Variants in PALM2AKAP2 observed in about 807,000 individuals in gnomAD.
PALM2AKAP2 encodes PALM2 and AKAP2 fusion, also known as PALM2-AKAP2 fusion protein.
A neutral mutation model predicts 71.5 loss-of-function variants in PALM2AKAP2; 37 were observed. That is an observed-to-expected ratio of 0.52 (90% CI 0.40 to 0.68). PALM2AKAP2 has a LOEUF of 0.68. PALM2AKAP2 is among the 30% of genes least tolerant of loss of function. The probability of loss-of-function intolerance (pLI) is 0.00; values close to 1 mark genes in which losing one functional copy is unlikely to be tolerated. For missense variants in PALM2AKAP2, 1,224 were observed against 1,191.8 expected (o/e 1.03, Z -0.40); for synonymous variants, 468 against 478.8 (o/e 0.98, Z 0.29).
chr9:110,081,898 T>C (rs555827509), intron 1 of PALM2AKAP2, among the ~76,000 whole-genome samples: 1 of 152,082 alleles, frequency 6.6e-6, no homozygotes, highest in African/African-American at 2.4e-5. Context: ...TTCCTCACCA[T>C]GCTAAATAGC....
intron 6 of PALM2AKAP2, among the ~76,000 whole-genome samples, chr9:109,946,894 T>A (rs904237709): frequency 6.6e-6 from 1 of 152,208 alleles, no homozygotes; most frequent in Admixed American, 6.5e-5. Flanking sequence ...TATTCTTGAC[T>A]TCTTAAAAAT....
intron 1 of PALM2AKAP2, among the ~76,000 whole-genome samples, chr9:109,738,927 G>T (rs905676205): frequency 6.6e-6 from 1 of 152,178 alleles, no homozygotes; most frequent in Non-Finnish European, 1.5e-5. Flanking sequence ...GAGCCCAAAG[G>T]TTCAAAAATT....
At chr9:109,906,388 G>A (rs1436514220) in intron 3 of PALM2AKAP2, among the ~76,000 whole-genome samples, 4 of 152,098 alleles carry the variant, frequency 2.6e-5, no homozygotes, top group African/African-American at 7.2e-5. Flanking sequence ...CCGTAGAGAC[G>A]GGGTTTCATC....
chr9:110,162,292 C>T (rs1287353095), intron 3 of PALM2AKAP2, among the ~76,000 whole-genome samples, 160 bp downstream of exon 10: 3 of 151,982 alleles, frequency 2.0e-5, no homozygotes, highest in South Asian at 2.1e-4. Context: ...GGGACTGCCT[C>T]GAAATGTTGG....
intron 1 of PALM2AKAP2, among the ~76,000 whole-genome samples, chr9:109,659,956 T>C (rs1827365392): frequency 1.3e-5 from 2 of 152,126 alleles, no homozygotes; most frequent in African/African-American, 4.8e-5. Flanking sequence ...TTCCCCTCCC[T>C]CAGTATCCCA....
upstream of PALM2AKAP2, among the ~76,000 whole-genome samples, chr9:109,776,795 C>T (rs75465493): frequency 5.2e-4 from 79 of 152,342 alleles, no homozygotes; most frequent in African/African-American, 1.7e-3. Flanking sequence ...TGAATTTCCT[C>T]TCTTCTTTGG....
At position 110,162,408 on chromosome 9, in the gene PALM2AKAP2, C is replaced by T. The variant is rs142770278; in HGVS notation, c.2748+5911C>T. ...CTTGCCTGCTCACGAATCTTGAAGA[C>T]GTTTGGACCAGAGGACACAAGTGAT... On this transcript the variant is annotated intron_variant, in intron 3 of 3. Coordinates refer to ENST00000374525, the Ensembl canonical transcript of PALM2AKAP2. Among the ~76,000 whole-genome samples, 686 of 152,226 alleles carry T rather than the reference C, an allele frequency of 4.5e-3. 7 individuals carry two copies. Among genetic ancestry groups the T allele is most frequent in the African/African-American group, 0.015 (623 of 41,518 alleles).
At chr9:110,119,246 A>G (rs56282145) in intron 1 of PALM2AKAP2, among the ~76,000 whole-genome samples, 32,375 of 151,020 alleles carry the variant, frequency 0.21, 4,002 homozygotes, top group South Asian at 0.32. Context: ...GGGAGGCTGA[A>G]GCAGGAGATT....
chr9:109,693,821 T>C (rs925170203), intron 1 of PALM2AKAP2, among the ~76,000 whole-genome samples: 2 of 152,086 alleles, frequency 1.3e-5, no homozygotes, highest in Non-Finnish European at 2.9e-5. Context: ...CTTAAACTTA[T>C]TGATACTTGT....
At chr9:109,947,584 G>A (rs1183307344) in intron 6 of PALM2AKAP2, among the ~76,000 whole-genome samples, 1 of 152,134 alleles carries the variant, frequency 6.6e-6, no homozygotes, top group Admixed American at 6.5e-5. Flanking sequence ...AGAAATATTA[G>A]CCCTGCCAAT....
intron 7 of PALM2AKAP2, among the ~76,000 whole-genome samples, chr9:110,016,329 G>A (rs1248945512): frequency 4.6e-5 from 7 of 152,164 alleles, no homozygotes; most frequent in Non-Finnish European, 7.3e-5. Context: ...TGGGCCTGTC[G>A]TAGGGTCTTC....
intron 1 of PALM2AKAP2, among the ~76,000 whole-genome samples, chr9:110,117,392 T>G (rs1223204545): frequency 6.6e-6 from 1 of 152,162 alleles, no homozygotes; most frequent in African/African-American, 2.4e-5. Flanking sequence ...CCCCAAGTGC[T>G]GGGATTACAG....
intron 1 of PALM2AKAP2, among the ~76,000 whole-genome samples, chr9:109,708,003 A>G (rs1029126730): frequency 6.6e-6 from 1 of 151,914 alleles, no homozygotes; most frequent in Admixed American, 6.6e-5. Flanking sequence ...CCCCTTCTCC[A>G]TTTTCACTGA....
chr9:109,880,642 A>G (rs192386772), exon 3 of PALM2AKAP2: 39 of 1,613,976 alleles, frequency 2.4e-5, no homozygotes, highest in Non-Finnish European at 3.0e-5. Context: ...TCTGAAGAGG[A>G]TGAGTTCAGA....
chr9:109,945,426 G>A (rs748851921), intron 6 of PALM2AKAP2: 11 of 152,228 alleles, frequency 7.2e-5, no homozygotes, highest in South Asian at 2.1e-4. Context: ...CTATTTTATC[G>A]AGAAACCTGG....
intron 1 of PALM2AKAP2, among the ~76,000 whole-genome samples, chr9:109,772,824 T>C (rs936600843): frequency 2.0e-5 from 3 of 152,214 alleles, no homozygotes; most frequent in Non-Finnish European, 4.4e-5. Flanking sequence ...GGCTATAGAA[T>C]GTTGCAAGGT....
intron 6 of PALM2AKAP2, among the ~76,000 whole-genome samples, chr9:109,992,952 T>TAGAG (rs572808154): frequency 9.5e-4 from 137 of 144,558 alleles, no homozygotes; most frequent in Admixed American, 3.7e-3. Context: ...TATATATATA[T>TAGAG]ATAGAGAGAG....
At chr9:110,107,899 A>G (rs1044952574) in intron 1 of PALM2AKAP2, among the ~76,000 whole-genome samples, 1 of 152,166 alleles carries the variant, frequency 6.6e-6, no homozygotes, top group African/African-American at 2.4e-5. Context: ...GTAAGTTGAT[A>G]TGAACAATAT....
chr9:109,809,245 A>G (rs1286813952), intron 1 of PALM2AKAP2, among the ~76,000 whole-genome samples: 2 of 152,232 alleles, frequency 1.3e-5, no homozygotes, highest in African/African-American at 4.8e-5. Flanking sequence ...CAGACTTTCA[A>G]TGCTAGTCCA....
Sources: allele counts gnomAD v4.1 joint callset (sites outside exome capture counted in the v4.1 genomes callset), GRCh38; gene constraint gnomAD v4.1.1; transcripts MANE v1.5; gene names NCBI Gene and HGNC (gene_info 2026-07-23, HGNC 2026-07-21).